The following CTCFL variants were observed in gnomAD, a reference collection of about 807,000 sequenced individuals.
CTCFL encodes the protein transcriptional repressor CTCFL.
In CTCFL, 36 loss-of-function variants were observed where a neutral mutation model predicts 67.4. The ratio of observed to expected loss-of-function variants is 0.53; its 90% CI spans 0.41 to 0.71. The LOEUF (loss-of-function observed/expected upper bound fraction) is 0.71, where lower values mean the gene tolerates loss of function less well. Ranked by LOEUF, CTCFL falls within the 30% of genes least tolerant of loss-of-function variation. CTCFL has a pLI of 0.00. For missense variants in CTCFL, 786 were observed against 835.2 expected, an observed-to-expected ratio of 0.94 and a Z score of 0.73; for synonymous variants, 324 against 302.3, an observed-to-expected ratio of 1.07 and a Z score of -0.75.
In CTCFL at chr20:57,519,357, A is replaced by G; in HGVS notation, c.775T>C (p.Cys259Arg). 1 of 1,614,088 alleles carries G rather than the reference A, an allele frequency of 6.2e-7. No homozygotes were observed. Among genetic ancestry groups the G allele is most frequent in the Non-Finnish European group, 8.5e-7 (1 of 1,179,976 alleles). ...KTKGAKGTFH[C>R]DVCMFTSSRM... is the part of the protein sequence containing the mutation. The stretch of plus-strand genomic sequence containing the variant: ...GAAGAGGTGAACATGCAGACATCAC[A>G]GTGGAAGGTTCCTTTTGCTCCTATA... Residue 259 changes from cysteine (C) to arginine (R), a missense_variant, in exon 4 of 11, where the codon TGT (cysteine) becomes CGT (arginine). Transcript: ENST00000243914.
intron 8 of CTCFL, among the ~76,000 whole-genome samples, chr20:57,511,391 G>A (rs1303120152): frequency 6.6e-6 from 1 of 152,062 alleles, no homozygotes; most frequent in Non-Finnish European, 1.5e-5. Context: ...CCGTGCCAAA[G>A]AACTTGTGCT....
chr20:57,519,647 A>G (rs1023097565), intron 3 of CTCFL, among the ~76,000 whole-genome samples: 25 of 152,320 alleles, frequency 1.6e-4, no homozygotes, highest in South Asian at 2.1e-4. Flanking sequence ...GAGAAAAACA[A>G]TGCTAGGGAG....
chr20:57,507,624 G>A (rs1238212606), intron 9 of CTCFL: 1 of 703,032 alleles, frequency 1.4e-6, no homozygotes, highest in African/African-American at 1.7e-5. Context: ...AAGGAACTGA[G>A]GCCGGTGCCA....
At chr20:57,505,409 C>T (rs1226150248) in intron 9 of CTCFL, among the ~76,000 whole-genome samples, 5 of 151,646 alleles carry the variant, frequency 3.3e-5, no homozygotes, top group Non-Finnish European at 7.4e-5. Context: ...GCATGTGCCA[C>T]CACGCCCGGC....
chr20:57,501,795 G>C (rs2067929739), intron 10 of CTCFL, among the ~76,000 whole-genome samples: 1 of 152,214 alleles, frequency 6.6e-6, no homozygotes, highest in Admixed American at 6.5e-5. Context: ...CAGAGGGAGG[G>C]AGGCAGGGGC....
intron 9 of CTCFL, chr20:57,507,847 T>A (rs1444557991): frequency 1.4e-6 from 1 of 702,904 alleles, no homozygotes; most frequent in African/African-American, 1.7e-5. Context: ...AGGTAATCTG[T>A]CATACAGAAA....
intron 7 of CTCFL, among the ~76,000 whole-genome samples, chr20:57,514,389 T>C (rs1469835511): frequency 6.6e-6 from 1 of 152,148 alleles, no homozygotes; most frequent in East Asian, 1.9e-4. Flanking sequence ...GGGCCCGGAT[T>C]CTAAAAACAT....
chr20:57,524,509 C>A (rs1367737177), intron 1 of CTCFL: 9 of 1,190,200 alleles, frequency 7.6e-6, no homozygotes, highest in Middle Eastern at 3.6e-4. Context: ...CAAGGTTCCG[C>A]CTGAGCACAC....
chr20:57,516,228 A>G (rs938212029), intron 5 of CTCFL, among the ~76,000 whole-genome samples: 32 of 152,176 alleles, frequency 2.1e-4, no homozygotes, highest in African/African-American at 7.5e-4. Context: ...TTCCTTGCAT[A>G]AAGTGAAAAT....
chr20:57,513,449 T>C (rs1401661760), intron 7 of CTCFL: 55 of 990,696 alleles, frequency 5.6e-5, no homozygotes, highest in Non-Finnish European at 6.4e-5. Context: ...TTTAGAGAGC[T>C]TGATTTCTCA....
chr20:57,512,674 C>A lies in CTCFL; in HGVS notation c.1409G>T (p.Arg470Leu), dbSNP rs766989097. ...CRYCSAVFHE[R>L]YALIQHQKTH... is the part of the protein sequence containing the mutation. ...TTTCTGGTGCTGAATGAGGGCATAG[C>A]GTTCATGGAAGACAGCAGAACAGTA... is the stretch of plus-strand genomic sequence containing the variant. The change falls in exon 8 of 11, where the codon CGC becomes CTC. Residue 470 changes from arginine (R) to leucine (L), a missense_variant. Coordinates refer to ENST00000243914, the MANE Select transcript of CTCFL (RefSeq NM_001386993.1). 2 of 1,614,078 alleles carry A rather than the reference C, an allele frequency of 1.2e-6. No homozygotes were observed. Among genetic ancestry groups the A allele is most frequent in the Non-Finnish European group, 8.5e-7 (1 of 1,180,026 alleles).
intron 8 of CTCFL, among the ~76,000 whole-genome samples, chr20:57,511,227 A>G (rs1439290222): frequency 6.7e-6 from 1 of 150,342 alleles, no homozygotes; most frequent in Non-Finnish European, 1.5e-5. Context: ...TTTTGTAGAG[A>G]CAGGGTCTCA....
In CTCFL at chr20:57,523,882, C is replaced by T; in HGVS notation, c.324G>A (p.Val108=). 6.2e-7 allele frequency: 1 copy of T among 1,613,230 alleles called. No individual in the cohort carries two copies. ...GGCCAGGCTGTTGCACCACCACCTG[C>T]ACCCCTTCTTGCTGCTGTATGCTCA... ...SLLSIQQQEG[V]QVVVQQPGPG... is the part of the protein sequence containing the mutation. The change falls in exon 2 of 11, where the codon GTG becomes GTA. Residue 108 remains valine (V), a synonymous_variant. Transcript: ENST00000243914.
At chr20:57,505,919 C>T (rs577769045) in intron 9 of CTCFL, among the ~76,000 whole-genome samples, 21 of 152,292 alleles carry the variant, frequency 1.4e-4, no homozygotes, top group African/African-American at 5.1e-4. Flanking sequence ...GCGAAACATC[C>T]CGCCTGATTC....
chr20:57,515,818 C>A lies in CTCFL; in HGVS notation c.1076G>T (p.Arg359Leu), dbSNP rs776925982. Reference sequence around the variant, plus strand: ...CTCCCCAGTGTGGGATCGGACATGGCGCTTCAATTTACTTGCCTAATAAAT... The same window carrying A: ...CTCCCCAGTGTGGGATCGGACATGGAGCTTCAATTTACTTGCCTAATAAAT... ...YASVEASKLKRHVRSHTGERP... is the reference protein window; with the variant it reads ...YASVEASKLKLHVRSHTGERP... Residue 359 changes from arginine to leucine, a missense_variant, in exon 6 of 11, where the codon CGC becomes CTC. Physicochemically the swap from Arg to Leu is moderately radical, Grantham distance 102 (BLOSUM62 -2). Transcript: ENST00000243914. 1.1e-5 allele frequency: 18 copies of A among 1,609,092 alleles called. No individual in the cohort carries two copies. Among genetic ancestry groups the A allele is most frequent in the Non-Finnish European group, 1.5e-5 (18 of 1,178,486 alleles).
At chr20:57,522,812 G>A (rs114352185) in intron 3 of CTCFL, among the ~76,000 whole-genome samples, 1,944 of 152,254 alleles carry the variant, frequency 0.013, 39 homozygotes, top group African/African-American at 0.043. Context: ...AGAGACCAGG[G>A]CTTGGTCTTC....
Position 57,503,569 on chromosome 20 carries a change from T to C in CTCFL, c.1707A>G (p.Gly569=). 1 of 1,614,120 alleles carries C rather than the reference T, an allele frequency of 6.2e-7. No homozygotes were observed. Among genetic ancestry groups the C allele is most frequent in the Non-Finnish European group, 8.5e-7 (1 of 1,180,012 alleles). The change falls in exon 10 of 11, where the codon GGA becomes GGG. Residue 569 remains glycine, a synonymous_variant. Transcript: ENST00000243914. The part of the protein sequence containing the change: ...INLHRHSEKC[G]SGEAKSAASG... ...AAGCAGCCGACTTTGCTTCCCCTGA[T>C]CCACACTTCTCCGAATGTCTGTGCA... is the stretch of plus-strand genomic sequence containing the variant.
At chr20:57,521,063 AG>A (rs577425342) in intron 3 of CTCFL, among the ~76,000 whole-genome samples, 62 of 152,232 alleles carry the variant, frequency 4.1e-4, no homozygotes, top group Non-Finnish European at 6.8e-4. Context: ...GCTAAGAGAA[AG>A]GCATGAAATA....
chr20:57,507,080 T>C (rs2068246027), intron 9 of CTCFL: 1 of 989,274 alleles, frequency 1.0e-6, no homozygotes. Flanking sequence ...CCATGTGCAG[T>C]GGTTTTTAAA....
Sources: gnomAD v4.1 joint callset for allele counts (sites outside exome capture counted in the v4.1 genomes callset) on GRCh38, gnomAD v4.1.1 for gene constraint, MANE v1.5 for transcripts, NCBI Gene and HGNC (gene_info 2026-07-23, HGNC 2026-07-21) for gene names.